The following CEP104 variants were observed in gnomAD, a reference collection of about 807,000 sequenced individuals.
CEP104 encodes centrosomal protein 104, also known as centrosomal protein of 104 kDa.
In CEP104, 84 loss-of-function variants were observed where a neutral mutation model predicts 113.3. The ratio of observed to expected loss-of-function variants is 0.74; its 90% confidence interval spans 0.62 to 0.89. The LOEUF is 0.89. Ranked by LOEUF, CEP104 falls within the 40% of genes least tolerant of loss-of-function variation. CEP104 has a pLI of 0.00. For synonymous variants in CEP104, 378 were observed against 421.7 expected (o/e 0.90, Z 1.27); for missense variants, 1,053 against 1,156.6 (o/e 0.91, Z 1.30).
intron 21 of CEP104, 25 bp from the exon 22 acceptor site, chr1:3,815,542 A>G (rs769779921): frequency 9.9e-6 from 15 of 1,508,440 alleles, no homozygotes; most frequent in African/African-American, 1.4e-5. Context: ...CAGGACCTGC[A>G]TTAGGAGGGG....
intron 6 of CEP104, among the ~76,000 whole-genome samples, chr1:3,843,511 C>G (rs1221734939): frequency 6.7e-6 from 1 of 149,864 alleles, no homozygotes; most frequent in Non-Finnish European, 1.5e-5. Context: ...ACCACCATGC[C>G]CAGCTAATTT....
intron 12 of CEP104, among the ~76,000 whole-genome samples, chr1:3,832,314 G>A (rs984429480): frequency 2.0e-5 from 3 of 151,230 alleles, no homozygotes; most frequent in African/African-American, 7.3e-5. Flanking sequence ...ATTGTAGGTC[G>A]TAACCAGGAG....
At chr1:3,848,531 C>CAAAA (rs371141201) in intron 3 of CEP104, 77 bp downstream of exon 3, 43,025 of 886,952 alleles carry the variant, frequency 0.049, 289 homozygotes, top group Non-Finnish European at 0.054. Flanking sequence ...GACTCCATCT[C>CAAAA]AAAAAAAAAA....
chr1:3,824,788 C>T (rs1461807327), intron 18 of CEP104, among the ~76,000 whole-genome samples: 22 of 151,828 alleles, frequency 1.4e-4, no homozygotes, highest in Admixed American at 1.2e-3. Flanking sequence ...GAAGCATGGC[C>T]GCAGTGCCAC....
intron 6 of CEP104, chr1:3,843,422 G>A: frequency 3.9e-6 from 2 of 507,264 alleles, no homozygotes; most frequent in Non-Finnish European, 7.0e-6. Flanking sequence ...TGTCACCCAG[G>A]CTGGAATACA....
At chr1:3,822,394 C>T (rs1339797448) in intron 20 of CEP104, among the ~76,000 whole-genome samples, 1 of 152,198 alleles carries the variant, frequency 6.6e-6, no homozygotes, top group Non-Finnish European at 1.5e-5. Flanking sequence ...TTTGCTGGTA[C>T]CATATCCCAG....
chr1:3,833,961 A>C lies in CEP104; in HGVS notation c.1560T>G (p.Leu520=), dbSNP rs1210130649. 1 of 1,613,732 alleles carries C rather than the reference A, an allele frequency of 6.2e-7. No homozygotes were observed. The highest frequency in any genetic ancestry group is 1.3e-5 in the African/African-American group (1 of 75,064). ...TCCTCTCCACACAGTGAGCTGTTTC[A>C]AGTTTACTCAGTTTATGTTTAGGAA... ...QYIPKHKLSK[L]ETAHCVERTI... The change falls in exon 12 of 22, where the codon CTT becomes CTG. Residue 520 remains leucine, a synonymous_variant. Coordinates refer to ENST00000378230, the MANE Select transcript of CEP104 (RefSeq NM_014704.4).
intron 2 of CEP104, among the ~76,000 whole-genome samples, chr1:3,850,864 G>A (rs1464038019): frequency 6.6e-6 from 1 of 152,190 alleles, no homozygotes; most frequent in East Asian, 1.9e-4. Flanking sequence ...AACCATACTG[G>A]TGTGATTTTT....
intron 10 of CEP104, among the ~76,000 whole-genome samples, chr1:3,835,513 C>T (rs1188523256): frequency 6.6e-6 from 1 of 152,188 alleles, no homozygotes; most frequent in Non-Finnish European, 1.5e-5. Flanking sequence ...GCTGGGATTA[C>T]AGGTGCCTGA....
At chr1:3,817,782 G>A (rs900865329) in intron 20 of CEP104, among the ~76,000 whole-genome samples, 1 of 152,338 alleles carries the variant, frequency 6.6e-6, no homozygotes, top group East Asian at 1.9e-4. Context: ...GCTTGCTTTG[G>A]CCAATGGGAC....
At chr1:3,831,727 G>C (rs970916876) in intron 12 of CEP104, among the ~76,000 whole-genome samples, 2 of 152,126 alleles carry the variant, frequency 1.3e-5, no homozygotes, top group Non-Finnish European at 2.9e-5. Context: ...AAGTCTTTAC[G>C]TAATTAAGAT....
intron 13 of CEP104, among the ~76,000 whole-genome samples, chr1:3,830,645 G>T (rs1644186368): frequency 1.3e-5 from 2 of 151,808 alleles, no homozygotes; most frequent in African/African-American, 4.8e-5. Context: ...CATGGTGGTG[G>T]GCATCCTGTA....
chr1:3,848,662 T>C lies in CEP104; in HGVS notation c.233A>G (p.Glu78Gly), dbSNP rs753817924. The C allele has an allele frequency of 6.2e-7, 1 of 1,613,876 alleles. No homozygotes were observed. Among genetic ancestry groups the C allele is most frequent in the South Asian group, 1.1e-5 (1 of 91,022 alleles). Residue 78 changes from glutamate to glycine, a missense_variant, in exon 3 of 22, where the codon GAA becomes GGA. Transcript: ENST00000378230. ...ISSKIEFYISESLPEYFAPYQ... is the reference protein window; with the variant it reads ...ISSKIEFYISGSLPEYFAPYQ... ...GGGTGCAAAATATTCAGGCAAGCTT[T>C]CACTAATGTAGAACTCAATTTTACT...
rs192393111 is a variant in CEP104, at chr1:3,849,347, T to C, written c.114-566A>G. The stretch of plus-strand genomic sequence containing the variant: ...GTGTGATTATGGCTCACTGCATCTT[T>C]GATCTCCTGGGCTCAAGTGACCCTC... On this transcript the variant is annotated intron_variant, in intron 2 of 21. Coordinates refer to ENST00000378230, the MANE Select transcript of CEP104 (RefSeq NM_014704.4). Among the ~76,000 whole-genome samples, 889 of 151,886 alleles carry C rather than the reference T, an allele frequency of 5.9e-3. 8 individuals are homozygous for C. The highest frequency in any genetic ancestry group is 0.02 in the African/African-American group (827 of 41,384).
Position 3,829,942 on chromosome 1 carries a change from C to T in CEP104, c.1892G>A (p.Arg631Gln), listed in dbSNP as rs776413781. The T allele has an allele frequency of 4.3e-6, 7 of 1,614,050 alleles. No individual in the cohort carries two copies. The highest frequency in any genetic ancestry group is 2.2e-5 in the South Asian group (2 of 91,070). The change falls in exon 14 of 22, where the codon CGA (arginine) becomes CAA (glutamine). Residue 631 changes from arginine (R) to glutamine (Q), a missense_variant. By Grantham distance (43) the Arg-to-Gln change is conservative. Transcript: ENST00000378230. ...CTGTCTGTACATGTCCAAAATAATT[C>T]GAACCGCCGTCTCGCGGACCTCATA... is the stretch of plus-strand genomic sequence containing the variant. The part of the protein sequence containing the change: ...RVYEVRETAV[R>Q]IILDMYRQHQ...
chr1:3,828,842 C>T (rs1644143824), intron 15 of CEP104, among the ~76,000 whole-genome samples: 1 of 107,328 alleles, frequency 9.3e-6, no homozygotes, highest in Non-Finnish European at 2.0e-5. Flanking sequence ...ATATGACACC[C>T]CCACAGGCTT....
At chr1:3,836,445 A>C in intron 10 of CEP104, 50 bp downstream of exon 10, 1 of 1,566,248 alleles carries the variant, frequency 6.4e-7, no homozygotes. Flanking sequence ...TACCATATAG[A>C]CTAGCCTCCC....
At chr1:3,825,689 G>T in intron 18 of CEP104, 69 bp downstream of exon 18, 2 of 1,002,872 alleles carry the variant, frequency 2.0e-6, no homozygotes, top group South Asian at 1.3e-5. Flanking sequence ...ACAGCTTTTT[G>T]ACTCGGCCTT....
At position 3,826,505 on chromosome 1, in the gene CEP104, G is replaced by C. The variant is rs576305751; in HGVS notation, c.2189-69C>G. On this transcript the variant is annotated intron_variant, in intron 16 of 21. Transcript: ENST00000378230. ...TTTTCAAAATTTTAGTAAGCAGTTT[G>C]ATGTGAGCTCTAAAACGATTATACA... 1.5e-5 allele frequency: 22 copies of C among 1,431,890 alleles called. No homozygotes were observed. In the African/African-American group the frequency reaches 3.1e-4, roughly 20 times the overall value. 88.7% of individuals were successfully genotyped at this position (1,431,890 alleles called of 1,614,324 possible). A position where few individuals can be genotyped will look rare whatever the true frequency, so the allele number is the denominator to read the frequency against.
Sources: allele counts gnomAD v4.1 joint callset (sites outside exome capture counted in the v4.1 genomes callset), GRCh38; gene constraint gnomAD v4.1.1; transcripts MANE v1.5; gene names NCBI Gene and HGNC (gene_info 2026-07-23, HGNC 2026-07-21).